Variants in CHM observed in about 807,000 individuals in gnomAD.
CHM encodes CHM Rab escort protein, also known as rab proteins geranylgeranyltransferase component A 1.
Under a neutral mutation model 49.0 loss-of-function variants are expected in CHM, and 10 were observed. The observed-to-expected ratio is 0.20, with a 90% CI of 0.13 to 0.35. The LOEUF (loss-of-function observed/expected upper bound fraction) is 0.35, where lower values mean the gene tolerates loss of function less well. Among genes scored for constraint, CHM ranks in the 10% least tolerant of loss-of-function variants. The pLI is 1.00. For missense variants in CHM, 455 were observed against 478.4 expected, an observed-to-expected ratio of 0.95 and a Z score of 0.46; for synonymous variants, 184 against 167.5, an observed-to-expected ratio of 1.10 and a Z score of -0.76.
At chrX:85,940,968 C>T (rs1304645941) in intron 8 of CHM, among the ~76,000 whole-genome samples, 1 of 111,287 alleles carries the variant, frequency 9.0e-6, no homozygotes, top group Non-Finnish European at 1.9e-5. Flanking sequence ...TCTAATTGGT[C>T]CATAAGTGCA....
At chrX:86,001,902 C>T (rs2411871) in intron 2 of CHM, among the ~76,000 whole-genome samples, 49,538 of 109,688 alleles carry the variant, frequency 0.45, 9,600 homozygotes, top group Non-Finnish European at 0.6. Flanking sequence ...TGTAAGAAAA[C>T]TGCATGCAAT....
At chrX:85,985,605 C>T (rs916106677) in intron 2 of CHM, among the ~76,000 whole-genome samples, 1 of 112,077 alleles carries the variant, frequency 8.9e-6, no homozygotes, top group African/African-American at 3.2e-5. Flanking sequence ...CCCATTCCTC[C>T]TCATGAGGCA....
At chrX:85,992,794 G>A (rs759274942) in intron 2 of CHM, among the ~76,000 whole-genome samples, 33 of 112,316 alleles carry the variant, frequency 2.9e-4, no homozygotes, top group Non-Finnish European at 5.3e-4. Flanking sequence ...TTGGTTTTAA[G>A]AGAGCCCTAT....
At chrX:85,975,493 G>A (rs778867383) in intron 4 of CHM, among the ~76,000 whole-genome samples, 2 of 111,934 alleles carry the variant, frequency 1.8e-5, no homozygotes, top group Non-Finnish European at 3.8e-5. Flanking sequence ...AACTACTGAT[G>A]TACACAACAA....
At chrX:85,964,948 T>A (rs1930498141) in intron 4 of CHM, among the ~76,000 whole-genome samples, 1 of 112,663 alleles carries the variant, frequency 8.9e-6, no homozygotes, top group Non-Finnish European at 1.9e-5. Flanking sequence ...ATGTGATTGG[T>A]CTTGGCAAGT....
intron 12 of CHM, among the ~76,000 whole-genome samples, chrX:85,893,407 C>A (rs5968707): frequency 0.25 from 27,582 of 111,002 alleles, 2,552 homozygotes; most frequent in African/African-American, 0.29. Flanking sequence ...AAACAAAATA[C>A]ATTGAAAATT....
chrX:86,004,005 C>A (rs1932799944), intron 2 of CHM, among the ~76,000 whole-genome samples: 1 of 111,839 alleles, frequency 8.9e-6, no homozygotes, highest in African/African-American at 3.3e-5. Flanking sequence ...TTAAGGGCAG[C>A]CAGAGAGAAA....
intron 1 of CHM, among the ~76,000 whole-genome samples, chrX:86,036,286 C>T (rs1407503470): frequency 1.8e-5 from 2 of 111,126 alleles, no homozygotes; most frequent in Non-Finnish European, 3.8e-5. Context: ...TTCAGAAAGG[C>T]GAGACAACTC....
intron 2 of CHM, among the ~76,000 whole-genome samples, chrX:85,998,068 TG>T (rs1932524642): frequency 8.9e-6 from 1 of 111,848 alleles, no homozygotes. Context: ...AGAAATCTAT[TG>T]GGATGAATTT....
chrX:85,913,306 ACT>A (rs1470600137), intron 8 of CHM, among the ~76,000 whole-genome samples: 7 of 75,591 alleles, frequency 9.3e-5, no homozygotes, highest in Admixed American at 1.7e-4. Context: ...ACAGAGCAAG[ACT>A]CTGTCAAAAA....
intron 5 of CHM, among the ~76,000 whole-genome samples, chrX:85,961,897 TAATTC>T (rs917453353): frequency 9.0e-6 from 1 of 111,476 alleles, no homozygotes; most frequent in Non-Finnish European, 1.9e-5. Flanking sequence ...TGTCAACTTC[TAATTC>T]AATTGTCTTT....
At position 85,876,759 on chromosome X, in the gene CHM, C is replaced by T. The variant is rs765656620; in HGVS notation, c.1609+2206G>A. ...ACATAGTTCTTATCAAAGAATTCCT[C>T]TCAGGTTCTAAACAATACATCATTT... On this transcript the variant is annotated intron_variant, in intron 13 of 14. Coordinates refer to ENST00000357749, the MANE Select transcript of CHM (RefSeq NM_000390.4). 1.1e-3 allele frequency among the ~76,000 whole-genome samples: 122 copies of T among 111,681 alleles called. No individual in the cohort carries two copies. In the Middle Eastern group the frequency reaches 0.032, roughly 30 times the overall value.
intron 8 of CHM, among the ~76,000 whole-genome samples, chrX:85,916,452 A>G (rs887844507): frequency 2.7e-5 from 3 of 112,266 alleles, no homozygotes; most frequent in Non-Finnish European, 5.6e-5. Context: ...ACATTGAACA[A>G]TGGGATCCAA....
intron 8 of CHM, among the ~76,000 whole-genome samples, chrX:85,928,211 G>A (rs1441186706): frequency 8.9e-6 from 1 of 112,085 alleles, no homozygotes; most frequent in Non-Finnish European, 1.9e-5. Flanking sequence ...CAAAACATAA[G>A]AACTATTATA....
chrX:85,868,556 T>C (rs1050428295), intron 14 of CHM, among the ~76,000 whole-genome samples: 3 of 111,259 alleles, frequency 2.7e-5, no homozygotes, highest in Admixed American at 1.9e-4. Context: ...CCTTTTATCT[T>C]TGGCATGCAA....
At chrX:85,935,978 C>T (rs1928757437) in intron 8 of CHM, among the ~76,000 whole-genome samples, 1 of 111,791 alleles carries the variant, frequency 8.9e-6, no homozygotes, top group Admixed American at 9.5e-5. Flanking sequence ...ATGGTAATTG[C>T]TAATTAAATT....
chrX:85,929,953 T>C (rs1483261814), intron 8 of CHM, among the ~76,000 whole-genome samples: 1 of 109,547 alleles, frequency 9.1e-6, no homozygotes, highest in East Asian at 2.9e-4. Context: ...AATACAAAAA[T>C]TAGCCAGGTG....
At chrX:85,946,504 A>G (rs933567943) in intron 8 of CHM, among the ~76,000 whole-genome samples, 1 of 112,002 alleles carries the variant, frequency 8.9e-6, no homozygotes, top group African/African-American at 3.2e-5. Context: ...TCGCTACTTC[A>G]GAGGGTGTAA....
chrX:85,988,486 T>C (rs938640039), intron 2 of CHM, among the ~76,000 whole-genome samples: 3 of 111,686 alleles, frequency 2.7e-5, no homozygotes, highest in Non-Finnish European at 5.6e-5. Flanking sequence ...CAACGTAGTA[T>C]TGGAAGTCCT....
Sources: gnomAD v4.1 joint callset for allele counts (sites outside exome capture counted in the v4.1 genomes callset) on GRCh38, gnomAD v4.1.1 for gene constraint, MANE v1.5 for transcripts, NCBI Gene and HGNC (gene_info 2026-07-23, HGNC 2026-07-21) for gene names.